The following CUL5 variants were observed in gnomAD, a reference collection of about 807,000 sequenced individuals.
The protein encoded by CUL5 is cullin 5.
A neutral mutation model predicts 108.8 loss-of-function variants in CUL5; 26 were observed. The observed-to-expected ratio is 0.24, with a 90% CI of 0.18 to 0.33. The LOEUF is 0.33. CUL5 is among the 10% of genes least tolerant of loss of function. The pLI is 1.00. For synonymous variants in CUL5, 334 were observed against 298.0 expected (o/e 1.12, Z -1.25); for missense variants, 524 against 909.2 (o/e 0.58, Z 5.45).
chr11:108,020,535 A>ATTTTTTT (rs34112083), intron 1 of CUL5, among the ~76,000 whole-genome samples: 1 of 148,188 alleles, frequency 6.7e-6, no homozygotes, highest in Non-Finnish European at 1.5e-5. Flanking sequence ...TGTGTTTGTG[A>ATTTTTTT]TTTTTTTTTT....
chr11:108,096,328 T>TAAAAA (rs71047670), intron 16 of CUL5, among the ~76,000 whole-genome samples: 3 of 120,014 alleles, frequency 2.5e-5, no homozygotes, highest in African/African-American at 6.3e-5. Context: ...ATCCCATCTC[T>TAAAAA]AAAAAAAAAA....
chr11:108,044,172 C>T (rs940495315), intron 2 of CUL5, among the ~76,000 whole-genome samples: 7 of 152,252 alleles, frequency 4.6e-5, no homozygotes, highest in Middle Eastern at 3.4e-3. Flanking sequence ...GTGAAAAAAG[C>T]ATTCAAATTA....
chr11:108,100,737 G>A (rs1864639047), intron 18 of CUL5, among the ~76,000 whole-genome samples: 1 of 151,394 alleles, frequency 6.6e-6, no homozygotes, highest in Non-Finnish European at 1.5e-5. Flanking sequence ...CTGGAGTAAA[G>A]AGTTGAAATG....
At chr11:108,098,591 T>TAA in intron 18 of CUL5, 62 bp downstream of exon 18, 2 of 994,570 alleles carry the variant, frequency 2.0e-6, no homozygotes, top group Non-Finnish European at 1.3e-6. Context: ...TTTTTTTTTT[T>TAA]AAATTTTGAA....
At chr11:108,085,481 A>C (rs149738341) in intron 11 of CUL5, among the ~76,000 whole-genome samples, 30 of 152,316 alleles carry the variant, frequency 2.0e-4, no homozygotes, top group Admixed American at 1.4e-3. Context: ...TGGGATAATG[A>C]AGAAGTTCTA....
chr11:108,038,676 A>AG (rs1206883174), intron 2 of CUL5, among the ~76,000 whole-genome samples: 1 of 146,892 alleles, frequency 6.8e-6, no homozygotes. Flanking sequence ...ACTCCATCTC[A>AG]GAAAAAAAAA....
rs553763763 is a variant in CUL5 at position 108,040,572 on chromosome 11, A to G, written c.135-5698A>G. Among the ~76,000 whole-genome samples, 5 of 142,844 alleles carry G rather than the reference A, an allele frequency of 3.5e-5. No homozygotes were observed. In the Admixed American group the frequency reaches 3.7e-4, roughly 11 times the overall value. The allele number at this position is 142,844 out of a possible 152,430, so 93.7% of individuals were successfully genotyped here. ...GGTTGCAGTGAGCCACGATTGTGCC[A>G]CTGCACTCCAGCCTGGCTGACAGAG... On this transcript the variant is annotated intron_variant, in intron 2 of 18. Transcript: ENST00000393094.
intron 1 of CUL5, among the ~76,000 whole-genome samples, chr11:108,015,740 A>G (rs1209022768): frequency 1.3e-5 from 2 of 152,210 alleles, no homozygotes; most frequent in Non-Finnish European, 2.9e-5. Context: ...ATGAAAATAA[A>G]TGATTGAACA....
In CUL5 at chr11:108,055,601, T is replaced by C. The variant is rs1289496264; in HGVS notation, c.780+646T>C. Among the ~76,000 whole-genome samples, 4 of 151,302 alleles carry C rather than the reference T, an allele frequency of 2.6e-5. No individual in the cohort carries two copies. In the South Asian group the frequency reaches 8.3e-4, roughly 31 times the overall value. On this transcript the variant is annotated intron_variant, in intron 7 of 18. Transcript: ENST00000393094. ...CTGGGACTACAGGCACACGTCACCC[T>C]GCCTGACTAATAAATATATATATAT...
chr11:108,036,383 A>G (rs1591287390), intron 2 of CUL5, among the ~76,000 whole-genome samples: 1 of 152,360 alleles, frequency 6.6e-6, no homozygotes, highest in South Asian at 2.1e-4. Context: ...TGAAATGACT[A>G]GCAGCATATT....
chr11:108,076,640 A>G (rs769507945), intron 10 of CUL5, among the ~76,000 whole-genome samples: 1 of 152,158 alleles, frequency 6.6e-6, no homozygotes, highest in Non-Finnish European at 1.5e-5. Flanking sequence ...GGTTGTGTCC[A>G]TATTTTTGCT....
At chr11:108,033,974 C>A in intron 2 of CUL5, 63 bp downstream of exon 2, 3 of 930,952 alleles carry the variant, frequency 3.2e-6, no homozygotes, top group Non-Finnish European at 5.2e-6. Context: ...CTTTCCATAC[C>A]CAAATGGAAT....
rs149353467 is a variant in CUL5, at chr11:108,075,546, A to G, written c.1113+2049A>G. ...AATAAAAATGACAGCAGGCTCTAGA[A>G]GTGACTTGTCAGGGAAGTTCGCTGT... is the stretch of plus-strand genomic sequence containing the variant. On this transcript the variant is annotated intron_variant, in intron 10 of 18. Coordinates refer to ENST00000393094, the MANE Select transcript of CUL5 (RefSeq NM_003478.6). Among the ~76,000 whole-genome samples the G allele has an allele frequency of 1.9e-3, 289 of 152,290 alleles. 11 individuals carry two copies. The South Asian group carries it at 0.036, about 19-fold the overall frequency.
intron 7 of CUL5, among the ~76,000 whole-genome samples, chr11:108,057,949 G>A (rs914594454): frequency 3.3e-5 from 5 of 152,018 alleles, no homozygotes; most frequent in Non-Finnish European, 7.4e-5. Context: ...AGTGGCTCAC[G>A]CCTGTAATCC....
At position 108,009,246 on chromosome 11, in the gene CUL5, C is replaced by G. The variant is rs542539965; in HGVS notation, c.-103C>G. The G allele has an allele frequency of 2.4e-5, 31 of 1,302,290 alleles. No homozygotes were observed. The South Asian group carries it at 3.2e-4, about 14-fold the overall frequency. The allele number at this position is 1,302,290 out of a possible 1,614,324, so 80.7% of individuals were successfully genotyped here. Reference sequence around the variant, plus strand: ...GCGCCCACCACACCCTGGTGCGGGCCGACGGGCCCTGGGCCCTGGTGGGAG... The same window carrying G: ...GCGCCCACCACACCCTGGTGCGGGCGGACGGGCCCTGGGCCCTGGTGGGAG... On this transcript the variant is annotated 5_prime_UTR_variant, in exon 1 of 19. Coordinates refer to ENST00000393094, the MANE Select transcript of CUL5 (RefSeq NM_003478.6).
chr11:108,014,866 G>T (rs1258612984), intron 1 of CUL5, among the ~76,000 whole-genome samples: 1 of 152,090 alleles, frequency 6.6e-6, no homozygotes, highest in African/African-American at 2.4e-5. Flanking sequence ...CAGGGTAAAA[G>T]AGAGAGTGCT....
At chr11:108,043,718 A>G (rs1016314445) in intron 2 of CUL5, among the ~76,000 whole-genome samples, 1 of 152,216 alleles carries the variant, frequency 6.6e-6, no homozygotes, top group Non-Finnish European at 1.5e-5. Context: ...ATTGCTATGA[A>G]GATAAAATAA....
At position 108,076,239 on chromosome 11, in the gene CUL5, G is replaced by T. The variant is rs528543381; in HGVS notation, c.1114-1937G>T. Among the ~76,000 whole-genome samples the T allele has an allele frequency of 2.6e-5, 4 of 152,038 alleles. No individual in the cohort carries two copies. In the South Asian group the frequency reaches 8.3e-4, roughly 32 times the overall value. Reference sequence around the variant, plus strand: ...TGTAGAGATGAGTTCTCAGTATGTTGCCCAGGCTGTTCTTGAACTCCTGGG... The same window carrying T: ...TGTAGAGATGAGTTCTCAGTATGTTTCCCAGGCTGTTCTTGAACTCCTGGG... On this transcript the variant is annotated intron_variant, in intron 10 of 18. Coordinates refer to ENST00000393094, the MANE Select transcript of CUL5 (RefSeq NM_003478.6).
chr11:108,062,495 A>G (rs1425984590), intron 7 of CUL5, among the ~76,000 whole-genome samples: 2 of 149,684 alleles, frequency 1.3e-5, no homozygotes, highest in Non-Finnish European at 1.5e-5. Flanking sequence ...GCATTTAAAA[A>G]TTAATGAATA....
Sources: gnomAD v4.1 joint callset for allele counts (sites outside exome capture counted in the v4.1 genomes callset) on GRCh38, gnomAD v4.1.1 for gene constraint, MANE v1.5 for transcripts, NCBI Gene and HGNC (gene_info 2026-07-23, HGNC 2026-07-21) for gene names.